SLCO4A1: variants seen among roughly 807,000 people sequenced by gnomAD.
The protein encoded by SLCO4A1 is solute carrier organic anion transporter family member 4A1, also known as colon organic anion transporter.
Under a neutral mutation model 64.6 loss-of-function variants are expected in SLCO4A1, and 51 were observed. The ratio of observed to expected loss-of-function variants is 0.79; its 90% confidence interval spans 0.63 to 1.00. SLCO4A1 has a LOEUF of 1.00. Among genes scored for constraint, SLCO4A1 ranks in the 50% least tolerant of loss-of-function variants. The probability of loss-of-function intolerance (pLI) is 0.00; values close to 1 mark genes in which losing one functional copy is unlikely to be tolerated. For synonymous variants in SLCO4A1, 471 were observed against 444.9 expected, an observed-to-expected ratio of 1.06 and a Z score of -0.74; for missense variants, 919 against 980.5, an observed-to-expected ratio of 0.94 and a Z score of 0.84.
rs1984207186 is a variant in SLCO4A1 at position 62,658,668 on chromosome 20, C to T, written c.797-9C>T. Reference sequence around the variant, plus strand: ...CACAGCGGCCCTGACGCCTCTGCCTCTCTCGCAGCCATCTTCTACACAGCG... The same window carrying T: ...CACAGCGGCCCTGACGCCTCTGCCTTTCTCGCAGCCATCTTCTACACAGCG... On this transcript the variant is annotated splice_polypyrimidine_tract_variant and intron_variant, in intron 2 of 11. Coordinates refer to ENST00000217159, the MANE Select transcript of SLCO4A1 (RefSeq NM_016354.4). The T allele has an allele frequency of 2.5e-6, 4 of 1,607,062 alleles. No individual in the cohort carries two copies. The highest frequency in any genetic ancestry group is 2.2e-5 in the East Asian group (1 of 44,590).
At chr20:62,654,396 G>A (rs188215515) in intron 1 of SLCO4A1, among the ~76,000 whole-genome samples, 14 of 152,340 alleles carry the variant, frequency 9.2e-5, no homozygotes, top group African/African-American at 2.6e-4. Context: ...GCACCGGTCC[G>A]CCCACCCCAG....
In SLCO4A1 at chr20:62,655,234, G is replaced by A. The variant is rs190444710; in HGVS notation, c.-96-1125G>A. ...AGGTGTTCTGTATCACAGCAGCCCCGGGAAGGACCCTCCCAGGGTGGGGGC... is the reference window on the plus strand; with the variant it reads ...AGGTGTTCTGTATCACAGCAGCCCCAGGAAGGACCCTCCCAGGGTGGGGGC... On this transcript the variant is annotated intron_variant, in intron 1 of 11. Transcript: ENST00000217159. Among the ~76,000 whole-genome samples, 66 of 149,172 alleles carry A rather than the reference G, an allele frequency of 4.4e-4. No homozygotes were observed. In the East Asian group the frequency reaches 0.012, roughly 28 times the overall value.
At chr20:62,665,453 T>G in intron 6 of SLCO4A1, 1 of 186,210 alleles carries the variant, frequency 5.4e-6, no homozygotes. Context: ...CAGCTGGGGG[T>G]TTCTCGGTGC....
At chr20:62,649,304 G>A (rs1032067441) in intron 1 of SLCO4A1, 1 of 152,260 alleles carries the variant, frequency 6.6e-6, no homozygotes, top group African/African-American at 2.4e-5. Flanking sequence ...TTGGATCTAT[G>A]TAGGCCCCCA....
intron 1 of SLCO4A1, among the ~76,000 whole-genome samples, chr20:62,653,347 A>T (rs887972306): frequency 6.6e-6 from 1 of 152,188 alleles, no homozygotes; most frequent in Non-Finnish European, 1.5e-5. Flanking sequence ...ACGTAAAACA[A>T]GCCTTGCCTG....
At chr20:62,650,488 C>G (rs989445788) in intron 1 of SLCO4A1, 1 of 152,294 alleles carries the variant, frequency 6.6e-6, no homozygotes. Context: ...TGCCGAGCTG[C>G]CCGCCTTAAC....
intron 7 of SLCO4A1, chr20:62,667,437 T>A: frequency 2.7e-6 from 1 of 365,544 alleles, no homozygotes; most frequent in Non-Finnish European, 5.0e-6. Context: ...CTAATGTTTG[T>A]ATTTGATCCA....
downstream of SLCO4A1, among the ~76,000 whole-genome samples, chr20:62,675,340 C>T (rs555618938): frequency 1.3e-5 from 2 of 152,232 alleles, no homozygotes; most frequent in East Asian, 3.9e-4. Flanking sequence ...AGGGCCCCTC[C>T]AGTGGGCAGC....
chr20:62,644,894 G>A lies in SLCO4A1; in HGVS notation c.-97+2341G>A, dbSNP rs1981040869. ...AGCCTGGTGCTGGGGGCAGGAGGGA[G>A]CAGGGCCCTTGGAGCTCTGGGAGAG... On this transcript the variant is annotated intron_variant, in intron 1 of 11. Coordinates refer to ENST00000217159, the MANE Select transcript of SLCO4A1 (RefSeq NM_016354.4). This position sits in a 1 kb window ranked among gnomAD's most constrained non-coding sequence, Gnocchi z 5.4. Among the ~76,000 whole-genome samples, 1 of 152,238 alleles carries A rather than the reference G, an allele frequency of 6.6e-6. No individual in the cohort carries two copies. The highest frequency in any genetic ancestry group is 2.1e-4 in the South Asian group (1 of 4,836).
chr20:62,669,655 G>A (rs1030309623), intron 11 of SLCO4A1, among the ~76,000 whole-genome samples: 3 of 152,178 alleles, frequency 2.0e-5, no homozygotes, highest in South Asian at 2.1e-4. Context: ...CCCATTAGAC[G>A]ATAAAGCACA....
chr20:62,658,663 T>TG lies in SLCO4A1; in HGVS notation c.797-13dup. On this transcript the variant is annotated splice_polypyrimidine_tract_variant and intron_variant, in intron 2 of 11. Transcript: ENST00000217159. ...TGGTGCACAGCGGCCCTGACGCCTCTGCCTCTCTCGCAGCCATCTTCTACA... is the reference window on the plus strand; with the variant it reads ...TGGTGCACAGCGGCCCTGACGCCTCTGGCCTCTCTCGCAGCCATCTTCTACA... The TG allele has an allele frequency of 2.5e-6, 4 of 1,604,754 alleles. No individual in the cohort carries two copies. The highest frequency in any genetic ancestry group is 3.4e-6 in the Non-Finnish European group (4 of 1,175,902).
chr20:62,660,997 T>C lies in SLCO4A1; in HGVS notation c.1010-67T>C, dbSNP rs1601644009. The C allele has an allele frequency of 5.6e-6, 6 of 1,070,894 alleles. No individual in the cohort carries two copies. In the South Asian group the frequency reaches 7.0e-5, roughly 12 times the overall value. 66.3% of individuals were successfully genotyped at this position (1,070,894 alleles called of 1,614,324 possible). A position where few individuals can be genotyped will look rare whatever the true frequency, so the allele number is the denominator to read the frequency against. On this transcript the variant is annotated intron_variant, in intron 4 of 11. Coordinates refer to ENST00000217159, the MANE Select transcript of SLCO4A1 (RefSeq NM_016354.4). ...GGGGCAGAGGAGTGGGGGCAGAGCC[T>C]CTCTCGGAGAAGTCCACCTCCGGGA...
downstream of SLCO4A1, among the ~76,000 whole-genome samples, chr20:62,687,140 TG>T (rs1050829309): frequency 1.1e-5 from 1 of 87,538 alleles, no homozygotes; most frequent in African/African-American, 5.4e-5. Context: ...GCACGATGGG[TG>T]GGGCACCCCC....
intron 1 of SLCO4A1, among the ~76,000 whole-genome samples, chr20:62,646,804 C>T (rs1981417390): frequency 6.6e-6 from 1 of 152,250 alleles, no homozygotes; most frequent in South Asian, 2.1e-4. Context: ...CCGTCTTCTT[C>T]TCAAACATGC....
At chr20:62,682,008 C>T (rs1233207243) in intron 2 of SLCO4A1, among the ~76,000 whole-genome samples, 2 of 152,164 alleles carry the variant, frequency 1.3e-5, no homozygotes, top group African/African-American at 2.4e-5. Context: ...GAGAGCCATC[C>T]CCTGAGCTAG....
At chr20:62,664,140 C>T (rs1985620878) in intron 5 of SLCO4A1, among the ~76,000 whole-genome samples, 2 of 152,104 alleles carry the variant, frequency 1.3e-5, no homozygotes, top group South Asian at 4.1e-4. Flanking sequence ...GCCAGGACCG[C>T]AACAGGCAGA....
At position 62,644,704 on chromosome 20, in the gene SLCO4A1, C is replaced by T. The variant is rs1253635450; in HGVS notation, c.-97+2151C>T. Among the ~76,000 whole-genome samples, 1 of 152,254 alleles carries T rather than the reference C, an allele frequency of 6.6e-6. No homozygotes were observed. The highest frequency in any genetic ancestry group is 2.1e-4 in the South Asian group (1 of 4,832). ...GTATTGTGCCTACAAGGTCTTCGAT[C>T]CGGATGTCTCCATGAGTGTTAATCC... On this transcript the variant is annotated intron_variant, in intron 1 of 11. Coordinates refer to ENST00000217159, the MANE Select transcript of SLCO4A1 (RefSeq NM_016354.4). The surrounding 1 kb of genome is among the most constrained non-coding windows in gnomAD (Gnocchi z 5.4).
At chr20:62,676,849 C>T (rs913623352), downstream of SLCO4A1, among the ~76,000 whole-genome samples, 9 of 152,234 alleles carry the variant, frequency 5.9e-5, no homozygotes, top group East Asian at 5.8e-4. Context: ...CAAATGTTCA[C>T]GGCAATGTTG....
At chr20:62,687,046 G>A (rs575642144), downstream of SLCO4A1, among the ~76,000 whole-genome samples, 1 of 142,246 alleles carries the variant, frequency 7.0e-6, no homozygotes. Flanking sequence ...CCAAACAGGA[G>A]CAATGGGAAA....
Sources: allele counts gnomAD v4.1 joint callset (sites outside exome capture counted in the v4.1 genomes callset), GRCh38; gene constraint gnomAD v4.1.1; non-coding constraint Gnocchi (gnomAD v3.1); transcripts MANE v1.5; gene names NCBI Gene and HGNC (gene_info 2026-07-23, HGNC 2026-07-21).